The following HS3ST4 variants were observed in gnomAD, a reference collection of about 807,000 sequenced individuals.
HS3ST4 encodes heparan sulfate glucosamine 3-O-sulfotransferase 4.
HS3ST4 carries 17 observed loss-of-function variants against 29.2 expected under a neutral mutation model. That is an observed-to-expected ratio of 0.58 (90% CI 0.40 to 0.87). The LOEUF (loss-of-function observed/expected upper bound fraction) is 0.87, where lower values mean the gene tolerates loss of function less well. Among genes scored for constraint, HS3ST4 ranks in the 40% least tolerant of loss-of-function variants. HS3ST4 has a pLI of 0.00. For synonymous variants in HS3ST4, 314 were observed against 285.7 expected (o/e 1.10, Z -1.00); for missense variants, 627 against 634.5 (o/e 0.99, Z 0.13).
intron 1 of HS3ST4, among the ~76,000 whole-genome samples, chr16:25,950,995 A>T (rs985842347): frequency 2.0e-5 from 3 of 152,064 alleles, no homozygotes; most frequent in Non-Finnish European, 4.4e-5. Flanking sequence ...CCTAAACAGC[A>T]TGTAGACTCC....
intron 1 of HS3ST4, among the ~76,000 whole-genome samples, chr16:26,059,091 G>A (rs970849588): frequency 1.3e-5 from 2 of 152,116 alleles, no homozygotes; most frequent in Admixed American, 6.5e-5. Context: ...GAAACCCAAA[G>A]AAGCGATCCT....
At chr16:25,787,632 C>G (rs895214159) in intron 1 of HS3ST4, among the ~76,000 whole-genome samples, 1 of 152,312 alleles carries the variant, frequency 6.6e-6, no homozygotes, top group East Asian at 1.9e-4. Flanking sequence ...TAGGTCCTGC[C>G]TAAGAGTAAA....
chr16:25,794,568 T>TC (rs1156880513), intron 1 of HS3ST4, among the ~76,000 whole-genome samples: 1 of 152,138 alleles, frequency 6.6e-6, no homozygotes, highest in Non-Finnish European at 1.5e-5. Context: ...TGTTCTGGTT[T>TC]CCAATGTTTT....
At chr16:26,108,008 G>T (rs1003495938) in intron 1 of HS3ST4, among the ~76,000 whole-genome samples, 1 of 152,048 alleles carries the variant, frequency 6.6e-6, no homozygotes, top group African/African-American at 2.4e-5. Flanking sequence ...GGAAAATAGA[G>T]GTTTTCTATT....
At chr16:25,916,651 C>T (rs953027294) in intron 1 of HS3ST4, among the ~76,000 whole-genome samples, 4 of 150,250 alleles carry the variant, frequency 2.7e-5, no homozygotes, top group Admixed American at 6.7e-5. Flanking sequence ...CATGAGCCAC[C>T]GTGCCCAGCC....
intron 1 of HS3ST4, among the ~76,000 whole-genome samples, chr16:26,079,043 C>A (rs1898697149): frequency 1.3e-5 from 2 of 152,208 alleles, no homozygotes; most frequent in African/African-American, 2.4e-5. Flanking sequence ...AAAGAAGGGG[C>A]TCTTCCCAGG....
intron 1 of HS3ST4, among the ~76,000 whole-genome samples, chr16:26,078,309 T>C (rs1170256023): frequency 1.3e-5 from 2 of 152,010 alleles, no homozygotes; most frequent in Non-Finnish European, 2.9e-5. Flanking sequence ...TCCAGATAGT[T>C]TTTTTGTGTG....
At chr16:25,871,371 G>T (rs1408036547) in intron 1 of HS3ST4, among the ~76,000 whole-genome samples, 1 of 152,162 alleles carries the variant, frequency 6.6e-6, no homozygotes, top group Non-Finnish European at 1.5e-5. Context: ...ATATTTTTGT[G>T]GTTGCCACAG....
At chr16:25,926,440 A>G (rs991195983) in intron 1 of HS3ST4, among the ~76,000 whole-genome samples, 18 of 152,368 alleles carry the variant, frequency 1.2e-4, no homozygotes, top group African/African-American at 4.3e-4. Flanking sequence ...AGACCTCTGC[A>G]TGTGGTAGGC....
chr16:25,699,962 C>T (rs1308793552), intron 1 of HS3ST4, among the ~76,000 whole-genome samples: 2 of 152,120 alleles, frequency 1.3e-5, no homozygotes, highest in African/African-American at 2.4e-5. Context: ...TTTCTTTTCT[C>T]TCTTACTCTT....
intron 1 of HS3ST4, among the ~76,000 whole-genome samples, chr16:25,944,092 C>A (rs1968601317): frequency 6.6e-6 from 1 of 152,092 alleles, no homozygotes; most frequent in Non-Finnish European, 1.5e-5. Context: ...AGTTGCTGAT[C>A]CACAGTGAAA....
intron 1 of HS3ST4, among the ~76,000 whole-genome samples, chr16:25,802,062 A>G (rs1290439532): frequency 6.6e-6 from 1 of 150,748 alleles, no homozygotes; most frequent in African/African-American, 2.5e-5. Flanking sequence ...GTCTTCATGG[A>G]TCTTACACTC....
At chr16:25,882,885 A>G (rs1014982470) in intron 1 of HS3ST4, among the ~76,000 whole-genome samples, 5 of 152,140 alleles carry the variant, frequency 3.3e-5, no homozygotes, top group African/African-American at 1.2e-4. Context: ...CTGCAGATCC[A>G]GGGGACCCAG....
chr16:25,946,627 G>A (rs1353954882), intron 1 of HS3ST4, among the ~76,000 whole-genome samples: 1 of 152,186 alleles, frequency 6.6e-6, no homozygotes, highest in African/African-American at 2.4e-5. Context: ...AAGCAGACAA[G>A]TTAGTGGCAG....
At chr16:25,819,707 G>A (rs752458009) in intron 1 of HS3ST4, among the ~76,000 whole-genome samples, 7 of 152,056 alleles carry the variant, frequency 4.6e-5, no homozygotes, top group Non-Finnish European at 1.0e-4. Context: ...CATGCTATGG[G>A]TTGTCTGTCT....
intron 1 of HS3ST4, among the ~76,000 whole-genome samples, chr16:25,829,251 G>A (rs1967269752): frequency 6.6e-6 from 1 of 152,182 alleles, no homozygotes; most frequent in South Asian, 2.1e-4. Flanking sequence ...AGGAGCAGAG[G>A]AGAAACCCTA....
At chr16:25,872,332 G>GT (rs879854466) in intron 1 of HS3ST4, among the ~76,000 whole-genome samples, 39 of 152,204 alleles carry the variant, frequency 2.6e-4, no homozygotes, top group Non-Finnish European at 4.7e-4. Flanking sequence ...GTGATTCTCT[G>GT]TTTTTTTCAG....
At chr16:25,953,000 G>A (rs988613296) in intron 1 of HS3ST4, among the ~76,000 whole-genome samples, 7 of 152,192 alleles carry the variant, frequency 4.6e-5, no homozygotes, top group Non-Finnish European at 8.8e-5. Flanking sequence ...ACGACTCTGT[G>A]TGAGTCATCT....
intron 1 of HS3ST4, among the ~76,000 whole-genome samples, chr16:26,120,089 GTGTA>G (rs762534502): frequency 4.7e-4 from 65 of 137,576 alleles, no homozygotes; most frequent in East Asian, 2.9e-3. Flanking sequence ...GTGTGTGTGT[GTGTA>G]TATGTGTGTG....
Sources: gnomAD v4.1 joint callset for allele counts (sites outside exome capture counted in the v4.1 genomes callset) on GRCh38, gnomAD v4.1.1 for gene constraint, MANE v1.5 for transcripts, NCBI Gene and HGNC (gene_info 2026-07-23, HGNC 2026-07-21) for gene names.